The following OLFML2B variants were observed in gnomAD, a reference collection of about 807,000 sequenced individuals.
The protein encoded by OLFML2B is olfactomedin like 2B.
Under a neutral mutation model 74.9 loss-of-function variants are expected in OLFML2B, and 57 were observed. That is an observed-to-expected ratio of 0.76 (90% CI 0.61 to 0.95). OLFML2B has a LOEUF of 0.95. Ranked by LOEUF, OLFML2B falls within the 40% of genes least tolerant of loss-of-function variation. OLFML2B has a pLI of 0.00. For missense variants in OLFML2B, 986 were observed against 970.6 expected (o/e 1.02, Z -0.21); for synonymous variants, 388 against 405.8 (o/e 0.96, Z 0.53).
chr1:162,023,290 G>T lies in OLFML2B; in HGVS notation c.141C>A (p.Asn47Lys). 6.3e-7 allele frequency: 1 copy of T among 1,575,660 alleles called. No individual in the cohort carries two copies. Among genetic ancestry groups the T allele is most frequent in the Non-Finnish European group, 8.6e-7 (1 of 1,156,776 alleles). Residue 47 changes from asparagine to lysine, a missense_variant, in exon 1 of 8, where the codon AAC becomes AAA. Coordinates refer to ENST00000294794, the MANE Select transcript of OLFML2B (RefSeq NM_015441.3). ...VAPAEDETLQ[N>K]EADNQENVLS... ...AAACGTTCTCCTGGTTGTCCGCCTCGTTTTGCAGAGTCTCGTCCTCCGCAG... is the reference window on the plus strand; with the variant it reads ...AAACGTTCTCCTGGTTGTCCGCCTCTTTTTGCAGAGTCTCGTCCTCCGCAG...
intron 3 of OLFML2B, among the ~76,000 whole-genome samples, chr1:162,014,343 C>CTCCT (rs1690473011): frequency 6.6e-6 from 1 of 152,218 alleles, no homozygotes; most frequent in Admixed American, 6.5e-5. Flanking sequence ...CCATTTCTCT[C>CTCCT]TCCTTCCTTC....
intron 6 of OLFML2B, among the ~76,000 whole-genome samples, chr1:161,985,485 T>C (rs1689568256): frequency 1.3e-5 from 2 of 152,220 alleles, no homozygotes; most frequent in South Asian, 4.1e-4. Context: ...GCATTCTCAG[T>C]GCTCAGAACA....
At chr1:161,985,042 C>T in intron 6 of OLFML2B, 62 bp from the exon 7 acceptor site, 1 of 1,506,188 alleles carries the variant, frequency 6.6e-7, no homozygotes, top group Non-Finnish European at 9.0e-7. Context: ...CCCCTTAAAC[C>T]TTTGCTGTTC....
At chr1:162,016,031 G>A (rs964173409) in intron 3 of OLFML2B, among the ~76,000 whole-genome samples, 6 of 152,202 alleles carry the variant, frequency 3.9e-5, no homozygotes, top group African/African-American at 7.2e-5. Context: ...GCCCAAGGGC[G>A]GGTGGAAAAG....
chr1:161,995,443 C>T (rs1278419111), intron 6 of OLFML2B, among the ~76,000 whole-genome samples: 2 of 152,186 alleles, frequency 1.3e-5, no homozygotes, highest in Non-Finnish European at 2.9e-5. Context: ...AAATGTCATT[C>T]CTACCACCAG....
intron 4 of OLFML2B, among the ~76,000 whole-genome samples, chr1:162,001,914 C>T (rs909494893): frequency 4.6e-5 from 7 of 152,190 alleles, no homozygotes; most frequent in South Asian, 2.1e-4. Context: ...TCATATGGCC[C>T]GGTGACTGGG....
intron 1 of OLFML2B, among the ~76,000 whole-genome samples, chr1:162,022,800 T>C (rs1030764755): frequency 3.9e-5 from 6 of 152,096 alleles, no homozygotes; most frequent in Admixed American, 1.3e-4. Flanking sequence ...TCATCACACA[T>C]GCTTCTGTTC....
rs1690661512 is a variant in OLFML2B at position 162,020,162 on chromosome 1, C to T, written c.195G>A (p.Lys65=). Residue 65 remains lysine (K), a synonymous_variant, in exon 2 of 8, where the codon AAG becomes AAA. Coordinates refer to ENST00000294794, the MANE Select transcript of OLFML2B (RefSeq NM_015441.3). ...CCGAGCCCTCAGACATAGCCTTGAC[C>T]TTGTCATAGTCCCCCAGCAACTAGA... ...VLSQLLGDYD[K]VKAMSEGSDC... is the part of the protein sequence containing the mutation. 5.0e-6 allele frequency: 8 copies of T among 1,614,212 alleles called. No individual in the cohort carries two copies. Among genetic ancestry groups the T allele is most frequent in the African/African-American group, 1.3e-5 (1 of 75,064 alleles).
At chr1:162,010,899 C>G (rs1690361296) in intron 3 of OLFML2B, among the ~76,000 whole-genome samples, 1 of 152,052 alleles carries the variant, frequency 6.6e-6, no homozygotes, top group African/African-American at 2.4e-5. Context: ...AAGCTTGGCA[C>G]AGAGATGGAT....
chr1:162,006,296 C>T lies in OLFML2B; in HGVS notation c.723+1G>A, dbSNP rs1325530025. ...GAGGCCCTTGGAGGCTGGGGCTATA[C>T]CTCTGGGTGGGCGTAGGCTGCTGCT... On this transcript the variant is annotated splice_donor_variant, in intron 4 of 7. Transcript: ENST00000294794. LOFTEE classifies it high-confidence loss of function. 2 of 1,577,106 alleles carry T rather than the reference C, an allele frequency of 1.3e-6. No homozygotes were observed. The highest frequency in any genetic ancestry group is 2.3e-5 in the East Asian group (1 of 44,318).
At chr1:162,015,162 C>T (rs1260302154) in intron 3 of OLFML2B, among the ~76,000 whole-genome samples, 1 of 152,174 alleles carries the variant, frequency 6.6e-6, no homozygotes, top group Admixed American at 6.5e-5. Flanking sequence ...ATCTTTGCTA[C>T]TAAACATATC....
chr1:162,017,356 G>T, intron 3 of OLFML2B, 44 bp downstream of exon 3: 2 of 1,454,124 alleles, frequency 1.4e-6, no homozygotes, highest in Non-Finnish European at 1.9e-6. Flanking sequence ...ATATGCTTTT[G>T]GGCTCAATCA....
chr1:161,983,879 C>G lies in OLFML2B; in HGVS notation c.2049G>C (p.Leu683=), dbSNP rs1285071774. The stretch of plus-strand genomic sequence containing the variant: ...GCTGGTTGTAGCTATCCACGGCATA[C>G]AGCACCCCACAGATGACGAAGCAGT... ...YGNCFVICGV[L]YAVDSYNQRN... The change falls in exon 8 of 8, where the codon CTG becomes CTC. Residue 683 remains leucine (L), a synonymous_variant. Coordinates refer to ENST00000294794, the MANE Select transcript of OLFML2B (RefSeq NM_015441.3). 1 of 1,614,238 alleles carries G rather than the reference C, an allele frequency of 6.2e-7. No individual in the cohort carries two copies. Among genetic ancestry groups the G allele is most frequent in the South Asian group, 1.1e-5 (1 of 91,084 alleles).
Position 161,984,147 on chromosome 1 carries a change from T to C in OLFML2B, c.1781A>G (p.Tyr594Cys), listed in dbSNP as rs563260264. 5 of 1,610,454 alleles carry C rather than the reference T, an allele frequency of 3.1e-6. No homozygotes were observed. Among genetic ancestry groups the C allele is most frequent in the African/African-American group, 2.7e-5 (2 of 74,974 alleles). Residue 594 changes from tyrosine (Y) to cysteine (C), a missense_variant, in exon 8 of 8, where the codon TAC becomes TGC. By Grantham distance (194) the Tyr-to-Cys change is radical. Coordinates refer to ENST00000294794, the MANE Select transcript of OLFML2B (RefSeq NM_015441.3). The stretch of plus-strand genomic sequence containing the variant: ...ATGCAGCATGGCCCAGGCAGCCACG[T>C]AGCGCTGCTTCAGGTCGTACTTGAT... ...NIIKYDLKQR[Y>C]VAAWAMLHDV...
At chr1:162,017,619 T>C (rs1690580178) in intron 2 of OLFML2B, 112 bp from the exon 3 acceptor site, 2 of 701,814 alleles carry the variant, frequency 2.8e-6, no homozygotes, top group Non-Finnish European at 2.4e-6. Flanking sequence ...TAGCCAGGAA[T>C]TGAGAGGTTG....
Position 161,983,214 on chromosome 1 carries a change from T to TA in OLFML2B, c.*460dup, listed in dbSNP as rs35888206. ...GGATGATTTTAAATTTCTTCTTTATTAAAAAAAAAAAGCGTTTTTCTGGGT... is the reference window on the plus strand; with the variant it reads ...GGATGATTTTAAATTTCTTCTTTATTAAAAAAAAAAAAGCGTTTTTCTGGGT... On this transcript the variant is annotated 3_prime_UTR_variant, in exon 8 of 8. Transcript: ENST00000294794. The TA allele has an allele frequency of 0.31, 47,080 of 149,760 alleles. 8,957 individuals are homozygous for TA. Among genetic ancestry groups the TA allele is most frequent in the African/African-American group, 0.55 (22,206 of 40,558 alleles). 9.3% of individuals were successfully genotyped at this position (149,760 alleles called of 1,614,324 possible).
chr1:162,006,500 C>T, intron 3 of OLFML2B, 27 bp from the exon 4 acceptor site: 1 of 1,531,254 alleles, frequency 6.5e-7, no homozygotes, highest in South Asian at 1.3e-5. Flanking sequence ...AAAGATGATC[C>T]ATTAAAGCAC....
intron 6 of OLFML2B, among the ~76,000 whole-genome samples, chr1:161,989,317 C>A (rs776252409): frequency 1.6e-4 from 25 of 152,310 alleles, no homozygotes; most frequent in Non-Finnish European, 2.5e-4. Context: ...GTCTCAAACT[C>A]AGATGCCTAC....
Position 162,023,615 on chromosome 1 carries a change from T to C in OLFML2B, c.-185A>G. The stretch of plus-strand genomic sequence containing the variant: ...GCCCCAGAGACTCTGGGCATCTCCT[T>C]CCCGACGCGAGCAGCCCTCGACTGT... On this transcript the variant is annotated 5_prime_UTR_variant, in exon 1 of 8. Coordinates refer to ENST00000294794, the MANE Select transcript of OLFML2B (RefSeq NM_015441.3). 2.1e-6 allele frequency: 1 copy of C among 471,406 alleles called. No individual in the cohort carries two copies. The highest frequency in any genetic ancestry group is 3.6e-6 in the Non-Finnish European group (1 of 277,678). The allele number at this position is 471,406 out of a possible 1,614,324, so 29.2% of individuals were successfully genotyped here. A position where few individuals can be genotyped will look rare whatever the true frequency, so the allele number is the denominator to read the frequency against.
Sources: allele counts gnomAD v4.1 joint callset (sites outside exome capture counted in the v4.1 genomes callset), GRCh38; gene constraint gnomAD v4.1.1; transcripts MANE v1.5; gene names NCBI Gene and HGNC (gene_info 2026-07-23, HGNC 2026-07-21).